SLIT3: variants seen among roughly 807,000 people sequenced by gnomAD.
SLIT3 encodes the protein slit guidance ligand 3, also known as slit homolog 3 protein.
Under a neutral mutation model 184.0 loss-of-function variants are expected in SLIT3, and 68 were observed. The observed-to-expected ratio is 0.37, with a 90% CI of 0.30 to 0.45. The LOEUF (loss-of-function observed/expected upper bound fraction) is 0.45. Ranked by LOEUF, SLIT3 falls within the 20% of genes least tolerant of loss-of-function variation. The pLI, the probability that SLIT3 is intolerant of heterozygous loss-of-function variation, is 1.00. For synonymous variants in SLIT3, 831 were observed against 828.6 expected (o/e 1.00, Z -0.05); for missense variants, 1,707 against 2,026.0 (o/e 0.84, Z 3.02).
intron 4 of SLIT3, among the ~76,000 whole-genome samples, chr5:168,890,857 C>T (rs545671836): frequency 5.3e-5 from 8 of 152,298 alleles, no homozygotes; most frequent in African/African-American, 1.9e-4. Flanking sequence ...CCTACTGAAT[C>T]AGAAACCCTA....
chr5:168,761,049 G>C (rs2113501967), intron 15 of SLIT3, 113 bp from the exon 16 acceptor site: 1 of 776,250 alleles, frequency 1.3e-6, no homozygotes, highest in Non-Finnish European at 2.2e-6. Flanking sequence ...AAGGACCACA[G>C]AGCCATCGGA....
intron 4 of SLIT3, among the ~76,000 whole-genome samples, chr5:168,888,105 G>C (rs1760291785): frequency 6.6e-6 from 1 of 152,142 alleles, no homozygotes; most frequent in African/African-American, 2.4e-5. Context: ...AAGGACACGG[G>C]GGTTAAGTGA....
At chr5:169,000,392 CAAA>C (rs34002967) in intron 4 of SLIT3, among the ~76,000 whole-genome samples, 2,362 of 42,290 alleles carry the variant, frequency 0.056, 12 homozygotes, top group Non-Finnish European at 0.073. Context: ...AACTCCATCT[CAAA>C]AAAAAAAAAA....
chr5:168,989,385 G>C (rs1755240679), intron 4 of SLIT3, among the ~76,000 whole-genome samples: 1 of 152,166 alleles, frequency 6.6e-6, no homozygotes, highest in Non-Finnish European at 1.5e-5. Flanking sequence ...GCAAACTTAG[G>C]CACAGCCACC....
At chr5:168,834,107 C>A (rs1353867653) in intron 6 of SLIT3, among the ~76,000 whole-genome samples, 1 of 152,138 alleles carries the variant, frequency 6.6e-6, no homozygotes, top group Admixed American at 6.5e-5. Flanking sequence ...TCTGTTTATG[C>A]AAATACCTGG....
chr5:169,114,808 G>A (rs904353111), intron 4 of SLIT3, among the ~76,000 whole-genome samples: 15 of 152,212 alleles, frequency 9.9e-5, no homozygotes, highest in African/African-American at 2.7e-4. Context: ...GCTCCGTGGC[G>A]GCAGAGCCGG....
chr5:169,070,538 T>C (rs1379422880), intron 4 of SLIT3, among the ~76,000 whole-genome samples: 1 of 152,188 alleles, frequency 6.6e-6, no homozygotes, highest in Non-Finnish European at 1.5e-5. Flanking sequence ...CCAGTCGAGA[T>C]GACCTTTAGA....
intron 1 of SLIT3, among the ~76,000 whole-genome samples, chr5:169,271,491 G>A (rs1306927597): frequency 3.3e-5 from 5 of 152,134 alleles, no homozygotes; most frequent in African/African-American, 9.7e-5. Context: ...TTACTCTGAC[G>A]TGGCCTGGGG....
chr5:168,919,399 A>G (rs994534542), intron 4 of SLIT3, among the ~76,000 whole-genome samples: 1 of 152,200 alleles, frequency 6.6e-6, no homozygotes, highest in Admixed American at 6.5e-5. Context: ...TAGTGCACTT[A>G]GCTACCAGGA....
At chr5:169,007,035 T>G (rs1755961027) in intron 4 of SLIT3, among the ~76,000 whole-genome samples, 1 of 151,388 alleles carries the variant, frequency 6.6e-6, no homozygotes, top group Admixed American at 6.6e-5. Context: ...AGGGACCTGG[T>G]GGGAGGTGAC....
intron 4 of SLIT3, among the ~76,000 whole-genome samples, chr5:169,130,169 T>A (rs928539995): frequency 5.3e-5 from 8 of 152,206 alleles, no homozygotes; most frequent in Admixed American, 4.6e-4. Context: ...TTGACAAATG[T>A]ACCATAGTAA....
intron 6 of SLIT3, among the ~76,000 whole-genome samples, chr5:168,836,399 T>C (rs1365404291): frequency 6.6e-6 from 1 of 152,204 alleles, no homozygotes; most frequent in African/African-American, 2.4e-5. Flanking sequence ...GGGCAGAGGC[T>C]GACCATCAGG....
At chr5:169,281,828 C>T (rs1767005626) in intron 1 of SLIT3, among the ~76,000 whole-genome samples, 1 of 152,132 alleles carries the variant, frequency 6.6e-6, no homozygotes. Flanking sequence ...TTTAAGCATA[C>T]TTCATTGACA....
At chr5:168,991,471 C>T (rs780374459) in intron 4 of SLIT3, among the ~76,000 whole-genome samples, 43 of 152,192 alleles carry the variant, frequency 2.8e-4, no homozygotes, top group Non-Finnish European at 2.5e-4. Context: ...GCTGTGTGGG[C>T]CACAGCCCTC....
intron 6 of SLIT3, among the ~76,000 whole-genome samples, chr5:168,831,292 G>A (rs4867976): frequency 0.62 from 91,580 of 148,434 alleles, 28,834 homozygotes; most frequent in African/African-American, 0.73. Context: ...CGGGAGGAGT[G>A]AGAGAGATTG....
At chr5:168,880,783 C>A (rs946858198) in intron 5 of SLIT3, among the ~76,000 whole-genome samples, 32 of 152,244 alleles carry the variant, frequency 2.1e-4, no homozygotes, top group Non-Finnish European at 3.5e-4. Flanking sequence ...ACCGCCAAAA[C>A]CATGCTTCTA....
At chr5:169,047,341 C>T (rs1757660650) in intron 4 of SLIT3, among the ~76,000 whole-genome samples, 1 of 152,186 alleles carries the variant, frequency 6.6e-6, no homozygotes, top group Admixed American at 6.5e-5. Context: ...AATCTGTCTC[C>T]AAGCTCTGCT....
intron 16 of SLIT3, among the ~76,000 whole-genome samples, chr5:168,759,841 G>C (rs765900259): frequency 3.9e-5 from 6 of 152,196 alleles, no homozygotes; most frequent in Non-Finnish European, 8.8e-5. Context: ...TGGTCTTCGA[G>C]GCACACCTGA....
chr5:168,963,584 A>G (rs536093934), intron 4 of SLIT3, among the ~76,000 whole-genome samples: 46 of 152,350 alleles, frequency 3.0e-4, no homozygotes, highest in Admixed American at 7.8e-4. Context: ...CTGCTGTGTT[A>G]CAGAAAAAGA....
Sources: gnomAD v4.1 joint callset for allele counts (sites outside exome capture counted in the v4.1 genomes callset) on GRCh38, gnomAD v4.1.1 for gene constraint, MANE v1.5 for transcripts, NCBI Gene and HGNC (gene_info 2026-07-23, HGNC 2026-07-21) for gene names.